The following NKAIN3 variants were observed in gnomAD, a reference collection of about 807,000 sequenced individuals.
The protein encoded by NKAIN3 is sodium/potassium-transporting ATPase subunit beta-1-interacting protein 3.
Under a neutral mutation model 30.2 loss-of-function variants are expected in NKAIN3, and 25 were observed. The observed-to-expected ratio is 0.83, with a 90% CI of 0.60 to 1.16. NKAIN3 has a LOEUF of 1.16. Among genes scored for constraint, NKAIN3 ranks in the 50% most tolerant of loss-of-function variants. NKAIN3 has a pLI of 0.00. For synonymous variants in NKAIN3, 91 were observed against 89.6 expected (o/e 1.02, Z -0.09); for missense variants, 225 against 254.1 (o/e 0.89, Z 0.78).
At chr8:62,586,171 T>A (rs1810466434) in intron 2 of NKAIN3, among the ~76,000 whole-genome samples, 1 of 152,214 alleles carries the variant, frequency 6.6e-6, no homozygotes, top group Non-Finnish European at 1.5e-5. Flanking sequence ...TTCATTTTAA[T>A]CTGAATTGTT....
At chr8:62,287,996 T>C (rs944357424) in intron 1 of NKAIN3, among the ~76,000 whole-genome samples, 1 of 152,180 alleles carries the variant, frequency 6.6e-6, no homozygotes, top group African/African-American at 2.4e-5. Flanking sequence ...TTTCTCTTCT[T>C]TCTACCTTCA....
intron 3 of NKAIN3, among the ~76,000 whole-genome samples, chr8:62,601,913 T>G (rs1258747916): frequency 6.6e-6 from 1 of 152,084 alleles, no homozygotes; most frequent in African/African-American, 2.4e-5. Flanking sequence ...AATACAGTCC[T>G]CAGTTTCTTT....
At chr8:62,899,826 T>C (rs895640920) in intron 4 of NKAIN3, among the ~76,000 whole-genome samples, 11 of 152,180 alleles carry the variant, frequency 7.2e-5, no homozygotes, top group Admixed American at 7.2e-4. Context: ...ATGCATTCCA[T>C]GCCTGTATCA....
Position 62,360,488 on chromosome 8 carries a change from G to T in NKAIN3, c.54+111361G>T, listed in dbSNP as rs545627492. On this transcript the variant is annotated intron_variant, in intron 1 of 6. Transcript: ENST00000623646. Reference sequence around the variant, plus strand: ...TGCAAGTAGCTAACATGTTTAGAATGTGCCAGGCAGTGTTCTAATAGCCTA... The same window carrying T: ...TGCAAGTAGCTAACATGTTTAGAATTTGCCAGGCAGTGTTCTAATAGCCTA... Among the ~76,000 whole-genome samples the T allele has an allele frequency of 3.9e-5, 6 of 152,270 alleles. No homozygotes were observed. In the East Asian group the frequency reaches 9.7e-4, roughly 25 times the overall value.
intron 1 of NKAIN3, among the ~76,000 whole-genome samples, chr8:62,308,754 A>G (rs1814335072): frequency 6.6e-6 from 1 of 150,512 alleles, no homozygotes; most frequent in Non-Finnish European, 1.5e-5. Flanking sequence ...GTAGAAAGGA[A>G]GGTACCATTA....
chr8:62,891,434 A>G (rs1181394688), intron 4 of NKAIN3, among the ~76,000 whole-genome samples: 1 of 152,070 alleles, frequency 6.6e-6, no homozygotes, highest in Non-Finnish European at 1.5e-5. Flanking sequence ...AGGTTTTGGG[A>G]CTCAGACTGG....
chr8:62,721,604 G>A (rs1337799188), intron 3 of NKAIN3, among the ~76,000 whole-genome samples: 1 of 152,144 alleles, frequency 6.6e-6, no homozygotes, highest in East Asian at 1.9e-4. Flanking sequence ...GCCAAGTGTT[G>A]CCTTAGAGTA....
At chr8:62,734,087 A>T (rs1815570302) in intron 3 of NKAIN3, among the ~76,000 whole-genome samples, 1 of 152,126 alleles carries the variant, frequency 6.6e-6, no homozygotes, top group Non-Finnish European at 1.5e-5. Context: ...TTCAAGACCT[A>T]CCTGGGTGAT....
At chr8:62,267,743 G>T (rs1454955608) in intron 1 of NKAIN3, among the ~76,000 whole-genome samples, 1 of 152,170 alleles carries the variant, frequency 6.6e-6, no homozygotes, top group Non-Finnish European at 1.5e-5. Context: ...GTCATAGGAA[G>T]CAGAGAATTC....
At chr8:62,907,581 T>C (rs1211769448) in intron 4 of NKAIN3, among the ~76,000 whole-genome samples, 1 of 152,196 alleles carries the variant, frequency 6.6e-6, no homozygotes, top group Non-Finnish European at 1.5e-5. Context: ...GCCCAGGACC[T>C]TGCTGCTTTG....
intron 4 of NKAIN3, among the ~76,000 whole-genome samples, chr8:62,905,543 C>G (rs549261650): frequency 1.3e-5 from 2 of 152,298 alleles, no homozygotes; most frequent in South Asian, 4.1e-4. Context: ...CCTCCTCTTT[C>G]AGTAAAACTC....
At chr8:62,717,019 C>A (rs2130507701) in intron 3 of NKAIN3, among the ~76,000 whole-genome samples, 1 of 152,264 alleles carries the variant, frequency 6.6e-6, no homozygotes, top group Non-Finnish European at 1.5e-5. Context: ...ACCAAAGCAG[C>A]TACATCAATG....
intron 1 of NKAIN3, among the ~76,000 whole-genome samples, chr8:62,466,012 G>A (rs968831776): frequency 5.9e-5 from 9 of 152,018 alleles, no homozygotes; most frequent in Non-Finnish European, 8.8e-5. Context: ...GCAACAGAGC[G>A]AGAGTCCATC....
chr8:62,960,589 A>C (rs1823543141), intron 6 of NKAIN3, among the ~76,000 whole-genome samples: 1 of 152,090 alleles, frequency 6.6e-6, no homozygotes, highest in African/African-American at 2.4e-5. Flanking sequence ...TTTAAAATTA[A>C]AGCCAATGAT....
chr8:62,543,112 C>A (rs73269440), intron 1 of NKAIN3, among the ~76,000 whole-genome samples: 1 of 152,054 alleles, frequency 6.6e-6, no homozygotes, highest in Non-Finnish European at 1.5e-5. Flanking sequence ...AGTCTCTTTG[C>A]GACATAACCC....
At chr8:62,866,683 C>G (rs185882302) in intron 4 of NKAIN3, among the ~76,000 whole-genome samples, 259 of 152,190 alleles carry the variant, frequency 1.7e-3, no homozygotes, top group African/African-American at 5.9e-3. Flanking sequence ...TTTGCAATAA[C>G]TAGATTGTGA....
Position 62,981,200 on chromosome 8 carries a change from C to T in NKAIN3, c.*15793C>T, listed in dbSNP as rs1436189246. The T allele has an allele frequency of 2.6e-5, 4 of 152,140 alleles. No individual in the cohort carries two copies. Among genetic ancestry groups the T allele is most frequent in the Non-Finnish European group, 5.9e-5 (4 of 68,016 alleles). The allele number at this position is 152,140 out of a possible 1,614,324, so 9.4% of individuals were successfully genotyped here. A position where few individuals can be genotyped will look rare whatever the true frequency, so the allele number is the denominator to read the frequency against. Reference sequence around the variant, plus strand: ...TCTATTCTGCCTAAGCCTCTTATTTCCACATCTATAAGTATAGTGCTACAT... The same window carrying T: ...TCTATTCTGCCTAAGCCTCTTATTTTCACATCTATAAGTATAGTGCTACAT... On this transcript the variant is annotated 3_prime_UTR_variant, in exon 7 of 7. Transcript: ENST00000623646.
At chr8:62,906,343 T>C (rs930145047) in intron 4 of NKAIN3, among the ~76,000 whole-genome samples, 2 of 152,254 alleles carry the variant, frequency 1.3e-5, no homozygotes, top group African/African-American at 4.8e-5. Flanking sequence ...AGCTTTCTAT[T>C]CACAAATGTT....
intron 1 of NKAIN3, among the ~76,000 whole-genome samples, chr8:62,327,868 G>A (rs924377881): frequency 3.3e-5 from 5 of 151,974 alleles, no homozygotes; most frequent in Admixed American, 2.0e-4. Flanking sequence ...TCATTTGCGG[G>A]GGGGATTGTT....
Sources: allele counts gnomAD v4.1 joint callset (sites outside exome capture counted in the v4.1 genomes callset), GRCh38; gene constraint gnomAD v4.1.1; transcripts MANE v1.5; gene names NCBI Gene and HGNC (gene_info 2026-07-23, HGNC 2026-07-21).